Variants in ZNF680 observed in about 807,000 individuals in gnomAD.
ZNF680 encodes the protein hypothetical protein FLJ90430.
Under a neutral mutation model 12.1 loss-of-function variants are expected in ZNF680, and 6 were observed. The observed-to-expected ratio is 0.49, with a 90% CI of 0.27 to 0.98. The LOEUF (loss-of-function observed/expected upper bound fraction) is 0.98. Among genes scored for constraint, ZNF680 ranks in the 50% least tolerant of loss-of-function variants. The pLI, the probability that ZNF680 is intolerant of heterozygous loss-of-function variation, is 0.12. For missense variants in ZNF680, 561 were observed against 616.3 expected (o/e 0.91, Z 0.95); for synonymous variants, 170 against 199.3 (o/e 0.85, Z 1.24).
intron 3 of ZNF680, among the ~76,000 whole-genome samples, chr7:64,539,261 G>A (rs548030777): frequency 6.7e-6 from 1 of 148,504 alleles, no homozygotes; most frequent in African/African-American, 2.5e-5. Flanking sequence ...GGAAGCTGAG[G>A]GAGGAGAATT....
At chr7:64,552,705 C>G (rs993801538) in intron 1 of ZNF680, among the ~76,000 whole-genome samples, 1 of 152,036 alleles carries the variant, frequency 6.6e-6, no homozygotes, top group Non-Finnish European at 1.5e-5. Flanking sequence ...TTTTCTTTAA[C>G]CATAATTCAG....
chr7:64,537,862 A>G (rs1786258588), intron 3 of ZNF680, among the ~76,000 whole-genome samples: 2 of 152,074 alleles, frequency 1.3e-5, no homozygotes, highest in Non-Finnish European at 2.9e-5. Context: ...CCCGGGAGGC[A>G]GAGCTTGCAG....
At chr7:64,511,053 C>T in the ZNF680 span, among the ~76,000 whole-genome samples, 4 of 151,508 alleles carry the variant, frequency 2.6e-5, no homozygotes, top group Admixed American at 2.0e-4. Flanking sequence ...GGGTGGATCA[C>T]GAGGTCAGGA....
intron 3 of ZNF680, among the ~76,000 whole-genome samples, chr7:64,523,973 T>C (rs1584350593): frequency 6.6e-6 from 1 of 151,762 alleles, no homozygotes; most frequent in Admixed American, 6.6e-5. Flanking sequence ...AGGGCCAGGA[T>C]AGATCTAATG....
At chr7:64,547,279 G>A (rs189718581) in intron 1 of ZNF680, among the ~76,000 whole-genome samples, 397 of 152,256 alleles carry the variant, frequency 2.6e-3, no homozygotes, top group Non-Finnish European at 3.8e-3. Context: ...GGAGAAAGCA[G>A]GCACAGCACA....
rs148573924 is a variant in ZNF680 at position 64,521,429 on chromosome 7, C to T, written c.1325G>A (p.Gly442Asp). The T allele has an allele frequency of 2.3e-4, 365 of 1,611,962 alleles. 1 individual carries two copies. The African/African-American group carries it at 4.4e-3, about 19-fold the overall frequency. Residue 442 changes from glycine (G) to aspartate (D), a missense_variant, in exon 4 of 4, where the codon GGC becomes GAC. Gly to Asp is a moderately conservative substitution (Grantham distance 94, BLOSUM62 -1). Coordinates refer to ENST00000309683, the MANE Select transcript of ZNF680 (RefSeq NM_178558.5). ...AGTAAGGGTTGAAAATAAAGTAAAG[C>T]CTTTGCCACATTCTTCACATTTGTA... ...NTYKCEECGKGFTLFSTLTNH... is the reference protein window; with the variant it reads ...NTYKCEECGKDFTLFSTLTNH...
At chr7:64,543,258 C>A (rs1412974677) in intron 3 of ZNF680, among the ~76,000 whole-genome samples, 1 of 151,788 alleles carries the variant, frequency 6.6e-6, no homozygotes, top group African/African-American at 2.4e-5. Context: ...TTTCGACTAT[C>A]AAAAAAGACT....
intron 3 of ZNF680, among the ~76,000 whole-genome samples, chr7:64,533,785 C>T (rs1258109614): frequency 6.6e-6 from 1 of 152,134 alleles, no homozygotes; most frequent in African/African-American, 2.4e-5. Context: ...GCCATAGTTA[C>T]CAGAACAGCA....
chr7:64,527,064 C>T (rs1791895863), intron 3 of ZNF680, among the ~76,000 whole-genome samples: 1 of 152,064 alleles, frequency 6.6e-6, no homozygotes, highest in African/African-American at 2.4e-5. Flanking sequence ...ATGGCGAAAC[C>T]CCTTCTCTAC....
At chr7:64,508,640 T>C in the ZNF680 span, among the ~76,000 whole-genome samples, 1 of 152,174 alleles carries the variant, frequency 6.6e-6, no homozygotes, top group Non-Finnish European at 1.5e-5. Flanking sequence ...TAGCTACTTT[T>C]CACAGGGGAC....
chr7:64,529,877 C>T (rs1484725460), intron 3 of ZNF680, among the ~76,000 whole-genome samples: 2 of 152,134 alleles, frequency 1.3e-5, no homozygotes, highest in Non-Finnish European at 2.9e-5. Context: ...CAAGGAAAAA[C>T]ATCTTAAGAG....
downstream of ZNF680, among the ~76,000 whole-genome samples, chr7:64,515,518 CCCAGCCCATGAGT>C (rs936792075): frequency 6.6e-6 from 1 of 152,002 alleles, no homozygotes; most frequent in African/African-American, 2.4e-5. Flanking sequence ...CTGAAAAGTC[CCCAGCCCATGAGT>C]CATTGCCTCC....
At chr7:64,562,803 G>T in intron 1 of ZNF680, 122 bp downstream of exon 1, 2 of 1,142,702 alleles carry the variant, frequency 1.8e-6, no homozygotes, top group Non-Finnish European at 2.6e-6. Context: ...GCTGCGCCAA[G>T]GACAACTCGG....
At chr7:64,514,257 T>C in the ZNF680 span, among the ~76,000 whole-genome samples, 2 of 152,218 alleles carry the variant, frequency 1.3e-5, no homozygotes, top group African/African-American at 4.8e-5. Context: ...CTTCAGGTTA[T>C]ATTTTAGTAA....
At chr7:64,523,069 T>C (rs1018494409) in intron 3 of ZNF680, among the ~76,000 whole-genome samples, 3 of 152,094 alleles carry the variant, frequency 2.0e-5, no homozygotes, top group African/African-American at 4.8e-5. Context: ...CACATTATTA[T>C]ATAAAAATAC....
chr7:64,522,408 C>T lies in ZNF680; in HGVS notation c.346G>A (p.Gly116Arg), dbSNP rs1562736284. 6.2e-7 allele frequency: 1 copy of T among 1,611,462 alleles called. No homozygotes were observed. Among genetic ancestry groups the T allele is most frequent in the Non-Finnish European group, 8.5e-7 (1 of 1,178,874 alleles). Residue 116 changes from glycine to arginine, a missense_variant, in exon 4 of 4, where the codon GGA becomes AGA. Physicochemically the swap from Gly to Arg is moderately radical, Grantham distance 125 (BLOSUM62 -2). Coordinates refer to ENST00000309683, the MANE Select transcript of ZNF680 (RefSeq NM_178558.5). ...ATTCTTAATTGTAAATTCTCATGTC[C>T]ACATTTTCCATATCCTCTCAGTATC... ...KVILRGYGKC[G>R]HENLQLRISC...
At chr7:64,557,196 A>C (rs1396956468) in intron 1 of ZNF680, among the ~76,000 whole-genome samples, 1 of 151,762 alleles carries the variant, frequency 6.6e-6, no homozygotes, top group Non-Finnish European at 1.5e-5. Flanking sequence ...GCTTGCAGTG[A>C]GCCAAGATCG....
chr7:64,554,787 C>T (rs1429318679), intron 1 of ZNF680, among the ~76,000 whole-genome samples: 2 of 152,030 alleles, frequency 1.3e-5, no homozygotes, highest in African/African-American at 2.4e-5. Flanking sequence ...TGCTTGAAGG[C>T]GGCATACTCG....
At chr7:64,555,725 T>TAA (rs200640611) in intron 1 of ZNF680, among the ~76,000 whole-genome samples, 13 of 121,916 alleles carry the variant, frequency 1.1e-4, no homozygotes, top group Admixed American at 4.8e-4. Flanking sequence ...TAAACCTTTG[T>TAA]AAAAAAAAAT....
Sources: allele counts gnomAD v4.1 joint callset (sites outside exome capture counted in the v4.1 genomes callset), GRCh38; gene constraint gnomAD v4.1.1; transcripts MANE v1.5; gene names NCBI Gene and HGNC (gene_info 2026-07-23, HGNC 2026-07-21).